Variants in OPCML observed in about 807,000 individuals in gnomAD.
The protein encoded by OPCML is opioid-binding protein/cell adhesion molecule.
OPCML carries 13 observed loss-of-function variants against 37.8 expected under a neutral mutation model. The ratio of observed to expected loss-of-function variants is 0.34; its 90% CI spans 0.22 to 0.55. OPCML has a LOEUF of 0.55. OPCML is among the 20% of genes least tolerant of loss of function. OPCML has a pLI of 0.91. For synonymous variants in OPCML, 176 were observed against 168.8 expected, an observed-to-expected ratio of 1.04 and a Z score of -0.33; for missense variants, 341 against 435.6, an observed-to-expected ratio of 0.78 and a Z score of 1.93.
chr11:133,323,732 C>G (rs1409504729), intron 1 of OPCML, among the ~76,000 whole-genome samples: 1 of 152,142 alleles, frequency 6.6e-6, no homozygotes, highest in South Asian at 2.1e-4. Flanking sequence ...TAAAGAGATT[C>G]TGGGAGAAAA....
chr11:133,391,400 ACACAGGTTTTTGT>A (rs1245939824), intron 1 of OPCML, among the ~76,000 whole-genome samples: 11 of 152,122 alleles, frequency 7.2e-5, no homozygotes, highest in Non-Finnish European at 1.6e-4. Context: ...TGATATATAA[ACACAGGTTTTTGT>A]CAGTAGCTGT....
At chr11:133,184,576 G>A (rs1035401827) in intron 1 of OPCML, among the ~76,000 whole-genome samples, 7 of 152,052 alleles carry the variant, frequency 4.6e-5, no homozygotes, top group Non-Finnish European at 7.4e-5. Flanking sequence ...CTGGCCCTCC[G>A]TTATCTACTC....
At chr11:132,559,727 G>A (rs1341410400) in intron 3 of OPCML, among the ~76,000 whole-genome samples, 1 of 152,104 alleles carries the variant, frequency 6.6e-6, no homozygotes, top group Non-Finnish European at 1.5e-5. Context: ...AAGAAGATAA[G>A]ACGAAAAGAA....
chr11:132,708,854 A>G (rs1035032358), intron 2 of OPCML, among the ~76,000 whole-genome samples: 1 of 152,218 alleles, frequency 6.6e-6, no homozygotes, highest in Non-Finnish European at 1.5e-5. Flanking sequence ...ATTAAACGAT[A>G]ATGAAAAAGG....
chr11:133,486,931 C>T (rs553185893), intron 1 of OPCML, among the ~76,000 whole-genome samples: 3 of 151,026 alleles, frequency 2.0e-5, no homozygotes, highest in Non-Finnish European at 4.4e-5. Context: ...CCTACATAAC[C>T]AATGCATCAA....
intron 1 of OPCML, among the ~76,000 whole-genome samples, chr11:133,222,316 C>T (rs980993380): frequency 6.6e-6 from 1 of 152,192 alleles, no homozygotes; most frequent in African/African-American, 2.4e-5. Flanking sequence ...TGGTTGTTCA[C>T]TCGCCAGGCA....
intron 1 of OPCML, among the ~76,000 whole-genome samples, chr11:133,479,872 T>C (rs1161263587): frequency 6.6e-6 from 1 of 152,218 alleles, no homozygotes; most frequent in Non-Finnish European, 1.5e-5. Context: ...CCCACGATGC[T>C]AAGGCCTGGC....
intron 1 of OPCML, among the ~76,000 whole-genome samples, chr11:133,068,420 C>CTGCT (rs1948473538): frequency 6.6e-6 from 1 of 152,206 alleles, no homozygotes; most frequent in South Asian, 2.1e-4. Context: ...AGGGGAAGGC[C>CTGCT]TGCTCTCAGC....
intron 2 of OPCML, among the ~76,000 whole-genome samples, chr11:132,657,926 AAG>A (rs1941783295): frequency 3.9e-5 from 6 of 152,200 alleles, no homozygotes. Flanking sequence ...GGAGAGGAAA[AAG>A]AAAATTATCA....
At chr11:132,485,438 T>A (rs1024330229) in intron 4 of OPCML, among the ~76,000 whole-genome samples, 12 of 152,194 alleles carry the variant, frequency 7.9e-5, no homozygotes, top group African/African-American at 2.9e-4. Flanking sequence ...TAGTTTGATG[T>A]GTTTTGGCAA....
intron 4 of OPCML, among the ~76,000 whole-genome samples, chr11:132,521,073 C>G (rs1371102280): frequency 6.6e-6 from 1 of 152,144 alleles, no homozygotes; most frequent in East Asian, 1.9e-4. Flanking sequence ...AATTGCCATT[C>G]TGACTGGCAT....
chr11:133,499,357 T>C (rs1215211662), intron 1 of OPCML, among the ~76,000 whole-genome samples: 1 of 152,236 alleles, frequency 6.6e-6, no homozygotes. Context: ...CTTTGTTTAA[T>C]ATTTTCTCCT....
intron 1 of OPCML, among the ~76,000 whole-genome samples, chr11:133,201,792 T>C (rs489949): frequency 0.71 from 107,655 of 152,122 alleles, 40,135 homozygotes; most frequent in African/African-American, 0.92. Context: ...AGCCACTATG[T>C]CTGAGAAATA....
intron 1 of OPCML, among the ~76,000 whole-genome samples, chr11:133,105,990 A>C (rs930490294): frequency 4.1e-4 from 29 of 70,474 alleles, no homozygotes; most frequent in Non-Finnish European, 6.6e-4. Flanking sequence ...TTAAAAATAA[A>C]AAAAAAAAGA....
At chr11:132,490,851 G>T (rs920447621) in intron 4 of OPCML, among the ~76,000 whole-genome samples, 1 of 151,358 alleles carries the variant, frequency 6.6e-6, no homozygotes, top group African/African-American at 2.4e-5. Flanking sequence ...AAGAACCTGT[G>T]TCTTCTCCCG....
chr11:132,616,278 G>A (rs376717578), intron 3 of OPCML, among the ~76,000 whole-genome samples: 3 of 152,150 alleles, frequency 2.0e-5, no homozygotes, highest in Admixed American at 6.5e-5. Context: ...TTACACACAC[G>A]CATACCGGTT....
chr11:133,013,907 G>A (rs562428791), intron 1 of OPCML, among the ~76,000 whole-genome samples: 1 of 152,308 alleles, frequency 6.6e-6, no homozygotes, highest in Admixed American at 6.5e-5. Context: ...AGACAATTAA[G>A]AGGAAGCAGA....
At chr11:133,426,756 G>A (rs562605632) in intron 1 of OPCML, among the ~76,000 whole-genome samples, 9 of 152,286 alleles carry the variant, frequency 5.9e-5, no homozygotes, top group African/African-American at 2.2e-4. Flanking sequence ...ACACGTGGTA[G>A]AAAGAGGAAG....
At chr11:132,529,459 G>T (rs1054664644) in intron 3 of OPCML, among the ~76,000 whole-genome samples, 5 of 152,078 alleles carry the variant, frequency 3.3e-5, no homozygotes, top group Non-Finnish European at 7.4e-5. Context: ...TGTGACTGTT[G>T]ATTGAAAGGC....
Sources: gnomAD v4.1 joint callset for allele counts (sites outside exome capture counted in the v4.1 genomes callset) on GRCh38, gnomAD v4.1.1 for gene constraint, MANE v1.5 for transcripts, NCBI Gene and HGNC (gene_info 2026-07-23, HGNC 2026-07-21) for gene names.